Variants in DEUP1 observed in about 807,000 individuals in gnomAD.
The protein encoded by DEUP1 is coiled-coil domain containing 67.
DEUP1 carries 82 observed loss-of-function variants against 87.4 expected under a neutral mutation model. The ratio of observed to expected loss-of-function variants is 0.94; its 90% CI spans 0.78 to 1.13. The LOEUF (loss-of-function observed/expected upper bound fraction) is 1.13. Ranked by LOEUF, DEUP1 falls within the 50% of genes most tolerant of loss-of-function variation. DEUP1 has a pLI of 0.00. For synonymous variants in DEUP1, 214 were observed against 222.7 expected (o/e 0.96, Z 0.35); for missense variants, 663 against 681.5 (o/e 0.97, Z 0.30).
At chr11:93,338,395 T>C (rs1393755588) in intron 2 of DEUP1, among the ~76,000 whole-genome samples, 1 of 150,850 alleles carries the variant, frequency 6.6e-6, no homozygotes, top group Admixed American at 6.6e-5. Context: ...AGGGTAATTA[T>C]GCAGTCAACT....
intron 4 of DEUP1, 42 bp from the exon 5 acceptor site, chr11:93,364,118 A>T: frequency 7.2e-7 from 1 of 1,392,238 alleles, no homozygotes; most frequent in South Asian, 1.3e-5. Flanking sequence ...GGTTAGAAAT[A>T]ATTGGTAATA....
At chr11:93,416,080 T>C (rs1051584692) in intron 13 of DEUP1, among the ~76,000 whole-genome samples, 1 of 152,168 alleles carries the variant, frequency 6.6e-6, no homozygotes, top group African/African-American at 2.4e-5. Context: ...CAAACTATTT[T>C]CCTGTAGGAG....
chr11:93,408,455 T>C (rs760991733), intron 12 of DEUP1, 28 bp downstream of exon 12: 28 of 1,341,384 alleles, frequency 2.1e-5, no homozygotes, highest in Non-Finnish European at 2.6e-5. Context: ...TATAAGGGCA[T>C]AAGTTTAAAA....
chr11:93,413,381 A>C (rs541254620), intron 12 of DEUP1, among the ~76,000 whole-genome samples: 4 of 152,042 alleles, frequency 2.6e-5, no homozygotes, highest in Admixed American at 6.6e-5. Flanking sequence ...AGCTGGGACT[A>C]CAGGCGCCCG....
At chr11:93,390,910 C>T (rs1345576954) in intron 9 of DEUP1, among the ~76,000 whole-genome samples, 7 of 151,792 alleles carry the variant, frequency 4.6e-5, no homozygotes, top group African/African-American at 1.2e-4. Flanking sequence ...GGTGAAACCC[C>T]GTCTCTACTA....
intron 13 of DEUP1, among the ~76,000 whole-genome samples, chr11:93,416,215 A>C (rs1454853387): frequency 6.6e-6 from 1 of 152,148 alleles, no homozygotes; most frequent in Non-Finnish European, 1.5e-5. Context: ...GACACAAAAA[A>C]CTCTTCAAAA....
chr11:93,414,558 A>C (rs1947547453), intron 12 of DEUP1, among the ~76,000 whole-genome samples: 2 of 152,086 alleles, frequency 1.3e-5, no homozygotes, highest in Admixed American at 6.5e-5. Context: ...TTAGCATAAA[A>C]AATAGTATAA....
At position 93,385,562 on chromosome 11, in the gene DEUP1, A is replaced by G. The variant is rs1231479512; in HGVS notation, c.935+19A>G. The stretch of plus-strand genomic sequence containing the variant: ...AAACAAGGTATAATCTTTATATTTG[A>G]CAATCTGAGAGAACTGTTCAAAACA... On this transcript the variant is annotated intron_variant, in intron 8 of 13. Coordinates refer to ENST00000298050, the MANE Select transcript of DEUP1 (RefSeq NM_181645.4). 6.4e-7 allele frequency: 1 copy of G among 1,567,860 alleles called. No homozygotes were observed. The highest frequency in any genetic ancestry group is 1.4e-5 in the African/African-American group (1 of 72,854).
chr11:93,393,094 T>C (rs1946823789), intron 9 of DEUP1, among the ~76,000 whole-genome samples: 1 of 140,030 alleles, frequency 7.1e-6, no homozygotes, highest in African/African-American at 2.7e-5. Context: ...CTTCTTTTTT[T>C]TTTTTTTTTT....
intron 8 of DEUP1, among the ~76,000 whole-genome samples, chr11:93,388,086 T>C (rs1946646030): frequency 6.6e-6 from 1 of 152,176 alleles, no homozygotes. Flanking sequence ...TAGATACATG[T>C]AACTCAGGGA....
rs1565333577 is a variant in DEUP1 at position 93,396,318 on chromosome 11, A to ACG, written c.1319_1320insCG (p.Glu440AspfsTer4). 6.5e-6 allele frequency: 10 copies of ACG among 1,541,660 alleles called. No homozygotes were observed. Among genetic ancestry groups the ACG allele is most frequent in the Non-Finnish European group, 8.8e-6 (10 of 1,132,014 alleles). ...ATGATGGGAGATTTAGACCCCGGAG[A>ACG]ATACATGGTAATATGCTGACATCAT... On this transcript the variant is annotated frameshift_variant, in exon 11 of 14. Coordinates refer to ENST00000298050, the MANE Select transcript of DEUP1 (RefSeq NM_181645.4). LOFTEE classifies it high-confidence loss of function.
intron 9 of DEUP1, among the ~76,000 whole-genome samples, chr11:93,393,433 G>A (rs1946835497): frequency 6.6e-6 from 1 of 151,730 alleles, no homozygotes; most frequent in South Asian, 2.1e-4. Context: ...CTGCCCCCTG[G>A]GTTCCAGGCA....
intron 11 of DEUP1, among the ~76,000 whole-genome samples, chr11:93,400,723 G>A (rs1249989850): frequency 6.6e-6 from 1 of 152,038 alleles, no homozygotes; most frequent in African/African-American, 2.4e-5. Flanking sequence ...ATGAAGATCT[G>A]CAGACTTCCA....
At chr11:93,435,303 A>G (rs1043588389) in intron 13 of DEUP1, among the ~76,000 whole-genome samples, 2 of 152,122 alleles carry the variant, frequency 1.3e-5, no homozygotes, top group African/African-American at 4.8e-5. Flanking sequence ...CAGACATTCA[A>G]CAGCAATAGC....
intron 2 of DEUP1, among the ~76,000 whole-genome samples, chr11:93,334,489 T>C (rs1488604438): frequency 6.6e-6 from 1 of 152,118 alleles, no homozygotes; most frequent in East Asian, 1.9e-4. Context: ...CATATGGTGA[T>C]ATGAAGAAAA....
intron 2 of DEUP1, among the ~76,000 whole-genome samples, chr11:93,339,816 A>G (rs1459235256): frequency 6.6e-6 from 1 of 152,152 alleles, no homozygotes; most frequent in Non-Finnish European, 1.5e-5. Flanking sequence ...TAGGGGCCTG[A>G]ACTGTCACCC....
Position 93,408,416 on chromosome 11 carries a change from A to T in DEUP1, c.1512A>T (p.Gln504His). The T allele has an allele frequency of 6.5e-7, 1 of 1,545,102 alleles. No individual in the cohort carries two copies. The highest frequency in any genetic ancestry group is 8.7e-7 in the Non-Finnish European group (1 of 1,144,226). Residue 504 changes from glutamine (Q) to histidine (H), a missense_variant, in exon 12 of 14, where the codon CAA becomes CAT. Transcript: ENST00000298050. ...ATCAAAGCCAAATAAAAGTGGAACA[A>T]AATGAAGAGAGGTATGCTGGCTCCA... ...YAYQSQIKVEQNEERLSHDCE... is the reference protein window; with the variant it reads ...YAYQSQIKVEHNEERLSHDCE...
Position 93,358,068 on chromosome 11 carries a change from A to G in DEUP1, c.297+1025A>G, listed in dbSNP as rs558506710. The stretch of plus-strand genomic sequence containing the variant: ...AAAACAACAACATAAACATTAAATC[A>G]TTACATATTGGTCAATATAAATAAA... On this transcript the variant is annotated intron_variant, in intron 4 of 13. Coordinates refer to ENST00000298050, the MANE Select transcript of DEUP1 (RefSeq NM_181645.4). Among the ~76,000 whole-genome samples the G allele has an allele frequency of 9.8e-5, 15 of 152,286 alleles. No individual in the cohort carries two copies. The South Asian group carries it at 3.1e-3, about 32-fold the overall frequency.
chr11:93,398,893 A>G (rs1947024803), intron 11 of DEUP1, among the ~76,000 whole-genome samples: 2 of 151,286 alleles, frequency 1.3e-5, no homozygotes, highest in African/African-American at 4.9e-5. Flanking sequence ...GCTAATTTTT[A>G]TATATTTTTA....
Sources: allele counts gnomAD v4.1 joint callset (sites outside exome capture counted in the v4.1 genomes callset), GRCh38; gene constraint gnomAD v4.1.1; transcripts MANE v1.5; gene names NCBI Gene and HGNC (gene_info 2026-07-23, HGNC 2026-07-21).